QARS1: variants seen among roughly 807,000 people sequenced by gnomAD.
QARS1 encodes the protein glutamine--tRNA ligase.
In QARS1, 79 loss-of-function variants were observed where a neutral mutation model predicts 106.9. That is an observed-to-expected ratio of 0.74 (90% CI 0.62 to 0.89). The LOEUF (loss-of-function observed/expected upper bound fraction) is 0.89. Among genes scored for constraint, QARS1 ranks in the 40% least tolerant of loss-of-function variants. QARS1 has a pLI of 0.00. For synonymous variants in QARS1, 395 were observed against 367.7 expected, an observed-to-expected ratio of 1.07 and a Z score of -0.85; for missense variants, 966 against 997.2, an observed-to-expected ratio of 0.97 and a Z score of 0.42.
rs2042505396 is a variant in QARS1 at position 49,103,982 on chromosome 3, AAG to A, written c.266-12_266-11del. Reference sequence around the variant, plus strand: ...ACATACTCAAGGGCAGCTGAGAAGAAAGAGCCCGTGAGTTTGTGGCATCTCTG... The same window carrying A: ...ACATACTCAAGGGCAGCTGAGAAGAAAGCCCGTGAGTTTGTGGCATCTCTG... On this transcript the variant is annotated splice_polypyrimidine_tract_variant and intron_variant, in intron 2 of 23. Transcript: ENST00000306125. 6.2e-7 allele frequency: 1 copy of A among 1,609,064 alleles called. No homozygotes were observed. Among genetic ancestry groups the A allele is most frequent in the African/African-American group, 1.3e-5 (1 of 74,942 alleles).
rs2042433256 is a variant in QARS1, at chr3:49,099,175, C to T, written c.1693G>A (p.Ala565Thr). The T allele has an allele frequency of 6.2e-7, 1 of 1,614,042 alleles. No individual in the cohort carries two copies. The highest frequency in any genetic ancestry group is 8.5e-7 in the Non-Finnish European group (1 of 1,180,020). The change falls in exon 18 of 24, where the codon GCC (alanine) becomes ACC (threonine). Residue 565 changes from alanine to threonine, a missense_variant. Physicochemically the swap from Ala to Thr is moderately conservative, Grantham distance 58. Transcript: ENST00000306125. ...ACVRDVLNDTAPRAMAVLESL... is the reference protein window; with the variant it reads ...ACVRDVLNDTTPRAMAVLESL... ...TCCAGCACAGCCATGGCTCGTGGGG[C>T]TGTGTCATTCAGCACATCACGCACA...
At position 49,104,360 on chromosome 3, in the gene QARS1, C is replaced by T. The variant is rs752251563; in HGVS notation, c.229G>A (p.Ala77Thr). 1.9e-5 allele frequency: 30 copies of T among 1,614,060 alleles called. 1 individual carries two copies. The Admixed American group carries it at 4.3e-4, about 23-fold the overall frequency. Residue 77 changes from alanine to threonine, a missense_variant, in exon 2 of 24, where the codon GCC (alanine) becomes ACC (threonine). Physicochemically the swap from Ala to Thr is moderately conservative, Grantham distance 58 (BLOSUM62 0). Coordinates refer to ENST00000306125, the MANE Select transcript of QARS1 (RefSeq NM_005051.3). ...GGCTCAGTGTGGATCTTCTTACTGG[C>T]TATGTAGCTTACAAGGAAGGAGAGA... ...RRLSFLVSYI[A>T]SKKIHTEPQL...
Position 49,100,046 on chromosome 3 carries a change from T to A in QARS1, c.1210A>T (p.Met404Leu), listed in dbSNP as rs775904786. The change falls in exon 14 of 24, where the codon ATG becomes TTG. Residue 404 changes from methionine to leucine, a missense_variant. Transcript: ENST00000306125. The part of the protein sequence containing the change: ...KFSEGEATLR[M>L]KLVMEDGKMD... ...TTGCCATCCTCCATCACCAGCTTCATCCGTAGTGTGGCCTCGCCCTCTGAA... is the reference window on the plus strand; with the variant it reads ...TTGCCATCCTCCATCACCAGCTTCAACCGTAGTGTGGCCTCGCCCTCTGAA... The A allele has an allele frequency of 6.2e-7, 1 of 1,614,198 alleles. No homozygotes were observed. The highest frequency in any genetic ancestry group is 8.5e-7 in the Non-Finnish European group (1 of 1,180,024).
chr3:49,100,413 T>C lies in QARS1; in HGVS notation c.1022A>G (p.Gln341Arg), dbSNP rs1460899898. Reference protein sequence around the residue: ...KVTYASDYFDQLYAWAVELIR... With the variant: ...KVTYASDYFDRLYAWAVELIR... Reference sequence around the variant, plus strand: ...GAGCTCCACAGCCCACGCATATAGCTGGTCAAAATAGTCAGACGCATATGT... The same window carrying C: ...GAGCTCCACAGCCCACGCATATAGCCGGTCAAAATAGTCAGACGCATATGT... Residue 341 changes from glutamine to arginine, a missense_variant, in exon 12 of 24, where the codon CAG becomes CGG. By Grantham distance (43) the Gln-to-Arg change is conservative. Transcript: ENST00000306125. 1 of 1,614,128 alleles carries C rather than the reference T, an allele frequency of 6.2e-7. No homozygotes were observed. The highest frequency in any genetic ancestry group is 1.3e-5 in the African/African-American group (1 of 74,934).
chr3:49,099,823 G>A lies in QARS1; in HGVS notation c.1326C>T (p.His442=), dbSNP rs774021943. The change falls in exon 15 of 24, where the codon CAC becomes CAT. Residue 442 remains histidine, a synonymous_variant. Coordinates refer to ENST00000306125, the MANE Select transcript of QARS1 (RefSeq NM_005051.3). ...WCIYPTYDYT[H]CLCDSIEHIT... ...TGTGCTCGATGGAGTCACAGAGGCA[G>A]TGTGTGTAGTCGTAGGTGGGATAGA... 9.3e-6 allele frequency: 15 copies of A among 1,614,014 alleles called. No individual in the cohort carries two copies. In the South Asian group the frequency reaches 1.1e-4, roughly 12 times the overall value.
chr3:49,099,655 G>A lies in QARS1; in HGVS notation c.1389-8C>T. 2 of 1,614,034 alleles carry A rather than the reference G, an allele frequency of 1.2e-6. No homozygotes were observed. The highest frequency in any genetic ancestry group is 2.2e-5 in the South Asian group (2 of 91,082). ...CAGAAGTAGGAAGAGCGTCTGGGGTGGGAGAGTAGGGTTAGCACTGGCCAG... is the reference window on the plus strand; with the variant it reads ...CAGAAGTAGGAAGAGCGTCTGGGGTAGGAGAGTAGGGTTAGCACTGGCCAG... On this transcript the variant is annotated splice_region_variant and splice_polypyrimidine_tract_variant and intron_variant, in intron 15 of 23. Transcript: ENST00000306125.
intron 9 of QARS1, 73 bp from the exon 10 acceptor site, chr3:49,101,514 C>T (rs2042471016): frequency 1.3e-6 from 2 of 1,569,898 alleles, no homozygotes; most frequent in Admixed American, 3.4e-5. Context: ...GATGTTCCCT[C>T]CCAGGAAGGC....
At chr3:49,104,072 G>A in intron 2 of QARS1, 100 bp from the exon 3 acceptor site, 1 of 1,250,398 alleles carries the variant, frequency 8.0e-7, no homozygotes, top group Non-Finnish European at 1.2e-6. Flanking sequence ...CTGGCCTCCT[G>A]AAAAGTTAAG....
rs752600100 is a variant in QARS1 at position 49,100,296 on chromosome 3, C to T, written c.1058G>A (p.Gly353Asp). The change falls in exon 13 of 24, where the codon GGT becomes GAT. Residue 353 changes from glycine (G) to aspartate (D), a missense_variant and splice_region_variant. Coordinates refer to ENST00000306125, the MANE Select transcript of QARS1 (RefSeq NM_005051.3). ...TCGCTGGTGGCACACATAAGCCAGA[C>T]CCCTGTGGGGAAGCGGTGTGAGTGC... The part of the protein sequence containing the change: ...YAWAVELIRR[G>D]LAYVCHQRGE... 1 of 1,614,258 alleles carries T rather than the reference C, an allele frequency of 6.2e-7. No individual in the cohort carries two copies. The highest frequency in any genetic ancestry group is 2.2e-5 in the East Asian group (1 of 44,888).
In QARS1 at chr3:49,100,049, G is replaced by C; in HGVS notation, c.1207C>G (p.Arg403Gly). The C allele has an allele frequency of 3.1e-6, 5 of 1,614,212 alleles. No homozygotes were observed. The highest frequency in any genetic ancestry group is 4.2e-6 in the Non-Finnish European group (5 of 1,180,038). Reference sequence around the variant, plus strand: ...CCATCCTCCATCACCAGCTTCATCCGTAGTGTGGCCTCGCCCTCTGAAAAC... The same window carrying C: ...CCATCCTCCATCACCAGCTTCATCCCTAGTGTGGCCTCGCCCTCTGAAAAC... ...GKFSEGEATL[R>G]MKLVMEDGKM... Residue 403 changes from arginine (R) to glycine (G), a missense_variant, in exon 14 of 24, where the codon CGG becomes GGG. Physicochemically the swap from Arg to Gly is moderately radical, Grantham distance 125 (BLOSUM62 -2). Coordinates refer to ENST00000306125, the MANE Select transcript of QARS1 (RefSeq NM_005051.3).
chr3:49,104,072 G>C, intron 2 of QARS1, 100 bp from the exon 3 acceptor site: 1 of 1,250,398 alleles, frequency 8.0e-7, no homozygotes, highest in Non-Finnish European at 1.2e-6. Context: ...CTGGCCTCCT[G>C]AAAAGTTAAG....
Position 49,101,665 on chromosome 3 carries a change from G to A in QARS1, c.744C>T (p.His248=). The A allele has an allele frequency of 1.9e-6, 3 of 1,614,082 alleles. No homozygotes were observed. Among genetic ancestry groups the A allele is most frequent in the Non-Finnish European group, 1.7e-6 (2 of 1,180,026 alleles). ...YKTPGYVVTP[H]TMNLLKQHLE... ...GGTGCTGCTTTAGTAGATTCATGGT[G>A]TGTGGAGTGACCACATAGCCTGGGG... Residue 248 remains histidine (H), a synonymous_variant, in exon 9 of 24, where the codon CAC becomes CAT. Transcript: ENST00000306125.
At chr3:49,104,284 A>G (rs1575404248) in intron 2 of QARS1, 40 bp downstream of exon 2, 2 of 1,609,518 alleles carry the variant, frequency 1.2e-6, no homozygotes, top group East Asian at 2.2e-5. Flanking sequence ...GGCTGAAGGG[A>G]GGCATTGGTG....
At chr3:49,104,154 C>T (rs2107113359) in intron 2 of QARS1, 170 bp downstream of exon 2, 2 of 1,168,084 alleles carry the variant, frequency 1.7e-6, no homozygotes, top group Non-Finnish European at 2.6e-6. Flanking sequence ...CCCCTCAGAC[C>T]CTGACAGTTC....
In QARS1 at chr3:49,100,017, C is replaced by G; in HGVS notation, c.1239G>C (p.Met413Ile). Residue 413 changes from methionine (M) to isoleucine (I), a missense_variant, in exon 14 of 24, where the codon ATG becomes ATC. Met to Ile is a conservative substitution (Grantham distance 10). Coordinates refer to ENST00000306125, the MANE Select transcript of QARS1 (RefSeq NM_005051.3). ...ACTTGACTCGATAGGCTACAGGGTC[C>G]ATCTTGCCATCCTCCATCACCAGCT... ...RMKLVMEDGK[M>I]DPVAYRVKYT... 6.2e-7 allele frequency: 1 copy of G among 1,614,236 alleles called. No individual in the cohort carries two copies. The highest frequency in any genetic ancestry group is 8.5e-7 in the Non-Finnish European group (1 of 1,180,040).
rs747697693 is a variant in QARS1 at position 49,101,813 on chromosome 3, G to C, written c.703+15C>G. 1.9e-6 allele frequency: 3 copies of C among 1,610,596 alleles called. No individual in the cohort carries two copies. Among genetic ancestry groups the C allele is most frequent in the Admixed American group, 1.7e-5 (1 of 59,488 alleles). The stretch of plus-strand genomic sequence containing the variant: ...AAGATCCAGCCCTCCCCAGGGTTTT[G>C]ACATGCCCACTAACCAGGCTTGTGG... On this transcript the variant is annotated intron_variant, in intron 8 of 23. Transcript: ENST00000306125.
rs35673421 is a variant in QARS1 at position 49,101,973 on chromosome 3, G to A, written c.632-74C>T. On this transcript the variant is annotated intron_variant, in intron 7 of 23. Transcript: ENST00000306125. Reference sequence around the variant, plus strand: ...TATCCTACAGCCAGAACAGAACTGAGTAGACCCCTATTCCCTCAATTCCAG... The same window carrying A: ...TATCCTACAGCCAGAACAGAACTGAATAGACCCCTATTCCCTCAATTCCAG... 143,801 of 1,472,682 alleles carry A rather than the reference G, an allele frequency of 0.098. 7,608 individuals carry two copies. Among genetic ancestry groups the A allele is most frequent in the Non-Finnish European group, 0.11 (117,117 of 1,080,736 alleles). 91.2% of individuals were successfully genotyped at this position (1,472,682 alleles called of 1,614,324 possible).
Position 49,104,381 on chromosome 3 carries a change from A to G in QARS1, c.208T>C (p.Ser70Pro), listed in dbSNP as rs756873215. The G allele has an allele frequency of 6.2e-7, 1 of 1,614,178 alleles. No individual in the cohort carries two copies. The highest frequency in any genetic ancestry group is 8.5e-7 in the Non-Finnish European group (1 of 1,180,016). Reference sequence around the variant, plus strand: ...CTGGCTATGTAGCTTACAAGGAAGGAGAGACGCCGGGTATCCCTGAGTCGG... The same window carrying G: ...CTGGCTATGTAGCTTACAAGGAAGGGGAGACGCCGGGTATCCCTGAGTCGG... ...ASRLRDTRRLSFLVSYIASKK... is the reference protein window; with the variant it reads ...ASRLRDTRRLPFLVSYIASKK... The change falls in exon 2 of 24, where the codon TCC becomes CCC. Residue 70 changes from serine to proline, a missense_variant. Ser to Pro is a moderately conservative substitution (Grantham distance 74). Coordinates refer to ENST00000306125, the MANE Select transcript of QARS1 (RefSeq NM_005051.3).
At position 49,104,638 on chromosome 3, in the gene QARS1, C is replaced by A. The variant is rs201606430; in HGVS notation, c.96G>T (p.Gln32His). Residue 32 changes from glutamine to histidine, a missense_variant, in exon 1 of 24, where the codon CAG becomes CAT. Coordinates refer to ENST00000306125, the MANE Select transcript of QARS1 (RefSeq NM_005051.3). Reference protein sequence around the residue: ...ETLKNSALSAQLREAATQAQQ... With the variant: ...ETLKNSALSAHLREAATQAQQ... ...GCACCTGAGTAGCGGCCTCGCGCAG[C>A]TGCGCGCTCAGAGCCGAGTTCTTGA... 8 of 1,606,070 alleles carry A rather than the reference C, an allele frequency of 5.0e-6. No homozygotes were observed. Among genetic ancestry groups the A allele is most frequent in the Non-Finnish European group, 6.8e-6 (8 of 1,174,210 alleles).
Sources: gnomAD v4.1 joint callset for allele counts on GRCh38, gnomAD v4.1.1 for gene constraint, MANE v1.5 for transcripts, NCBI Gene and HGNC (gene_info 2026-07-23, HGNC 2026-07-21) for gene names.